F11: variants seen among roughly 807,000 people sequenced by gnomAD.
F11 encodes the protein coagualtion factor XI.
In F11, 78 loss-of-function variants were observed where a neutral mutation model predicts 76.5. That is an observed-to-expected ratio of 1.02 (90% CI 0.85 to 1.23). The LOEUF is 1.23. F11 is among the 50% of genes most tolerant of loss of function. The pLI is 0.00. For missense variants in F11, 742 were observed against 771.4 expected, an observed-to-expected ratio of 0.96 and a Z score of 0.45; for synonymous variants, 278 against 276.3, an observed-to-expected ratio of 1.01 and a Z score of -0.06.
intron 11 of F11, among the ~76,000 whole-genome samples, 195 bp downstream of exon 11, chr4:186,284,455 G>A (rs1009453670): frequency 3.3e-5 from 5 of 152,156 alleles, no homozygotes; most frequent in Non-Finnish European, 2.9e-5. Flanking sequence ...CAGGTACAAG[G>A]CTGCTTGACT....
rs281875271 is a variant in F11, at chr4:186,271,690, G to T, written c.137G>T (p.Cys46Phe). 8 of 1,614,132 alleles carry T rather than the reference G, an allele frequency of 5.0e-6. No homozygotes were observed. The South Asian group carries it at 8.8e-5, about 18-fold the overall frequency. The change falls in exon 3 of 15, where the codon TGC (cysteine) becomes TTC (phenylalanine). Residue 46 changes from cysteine to phenylalanine, a missense_variant. Transcript: ENST00000403665. Reference sequence around the variant, plus strand: ...GTCTTCACACCAAGCGCCAAGTACTGCCAGGTAGTCTGCACTTACCACCCA... The same window carrying T: ...GTCTTCACACCAAGCGCCAAGTACTTCCAGGTAGTCTGCACTTACCACCCA... ...TTVFTPSAKYCQVVCTYHPRC... is the reference protein window; with the variant it reads ...TTVFTPSAKYFQVVCTYHPRC...
chr4:186,284,349 C>A, intron 11 of F11, 89 bp downstream of exon 11: 6 of 1,277,916 alleles, frequency 4.7e-6, no homozygotes, highest in Admixed American at 2.0e-5. Context: ...ATACTTTAAC[C>A]AATTAGATTG....
chr4:186,279,121 AC>A (rs1740590099), intron 7 of F11, among the ~76,000 whole-genome samples: 1 of 152,240 alleles, frequency 6.6e-6, no homozygotes, highest in Admixed American at 6.5e-5. Flanking sequence ...GCAGTGGCTC[AC>A]GCCTGTAATC....
chr4:186,281,841 A>G, intron 10 of F11: 1 of 1,196,372 alleles, frequency 8.4e-7, no homozygotes, highest in Non-Finnish European at 1.1e-6. Flanking sequence ...AAGGCGAATC[A>G]ATCCTTAATT....
rs1374494815 is a variant in F11 at position 186,271,738 on chromosome 4, C to T, written c.185C>T (p.Thr62Met). Residue 62 changes from threonine (T) to methionine (M), a missense_variant, in exon 3 of 15, where the codon ACG becomes ATG. Physicochemically the swap from Thr to Met is moderately conservative, Grantham distance 81. Coordinates refer to ENST00000403665, the MANE Select transcript of F11 (RefSeq NM_000128.4). ...CCAAGATGTTTACTCTTCACTTTCACGGCGGAATCACCATCTGAGGATCCC... is the reference window on the plus strand; with the variant it reads ...CCAAGATGTTTACTCTTCACTTTCATGGCGGAATCACCATCTGAGGATCCC... ...YHPRCLLFTF[T>M]AESPSEDPTR... 3.7e-6 allele frequency: 6 copies of T among 1,614,192 alleles called. No individual in the cohort carries two copies. Among genetic ancestry groups the T allele is most frequent in the South Asian group, 3.3e-5 (3 of 91,088 alleles).
intron 2 of F11, among the ~76,000 whole-genome samples, chr4:186,271,143 G>T (rs1739925028): frequency 6.6e-6 from 1 of 152,118 alleles, no homozygotes; most frequent in Non-Finnish European, 1.5e-5. Flanking sequence ...TCTCAATGGG[G>T]TGAGGATGTG....
chr4:186,290,129 G>C (rs1294126972), downstream of F11, among the ~76,000 whole-genome samples: 1 of 151,638 alleles, frequency 6.6e-6, no homozygotes, highest in Non-Finnish European at 1.5e-5. Context: ...AAAATATATA[G>C]GTTCAAGCTG....
rs569813011 is a variant in F11 at position 186,276,541 on chromosome 4, T to A, written c.755+151T>A. 198 of 777,558 alleles carry A rather than the reference T, an allele frequency of 2.5e-4. 1 individual carries two copies. Among genetic ancestry groups the A allele is most frequent in the South Asian group, 2.4e-3 (154 of 63,832 alleles). 48.2% of individuals were successfully genotyped at this position (777,558 alleles called of 1,614,324 possible). A position where few individuals can be genotyped will look rare whatever the true frequency, so the allele number is the denominator to read the frequency against. On this transcript the variant is annotated intron_variant, in intron 7 of 14. Transcript: ENST00000403665. ...AATTTCTAGCCCCTCTCCCTTTCTA[T>A]TCCCCACCTACTTACCACAAACCCA...
At chr4:186,284,292 C>A in intron 11 of F11, 32 bp downstream of exon 11, 1 of 1,516,394 alleles carries the variant, frequency 6.6e-7, no homozygotes, top group Non-Finnish European at 9.1e-7. Context: ...ATTAGTTCAT[C>A]TTCTTCACAC....
intron 4 of F11, among the ~76,000 whole-genome samples, chr4:186,273,815 T>G (rs1384027567): frequency 6.6e-6 from 1 of 152,206 alleles, no homozygotes; most frequent in Non-Finnish European, 1.5e-5. Context: ...CTTGTCTTAA[T>G]AGTGAATAGA....
chr4:186,266,852 CAG>C (rs1739536245), intron 1 of F11, among the ~76,000 whole-genome samples: 1 of 152,046 alleles, frequency 6.6e-6, no homozygotes, highest in Non-Finnish European at 1.5e-5. Flanking sequence ...GATCTGAACA[CAG>C]AGAGCGGCGG....
intron 13 of F11, among the ~76,000 whole-genome samples, chr4:186,287,044 GCTCA>G (rs1741256443): frequency 6.6e-6 from 1 of 151,900 alleles, no homozygotes; most frequent in South Asian, 2.1e-4. Context: ...CACGATCTCG[GCTCA>G]CTGTTACCTC....
rs762405730 is a variant in F11, at chr4:186,280,401, G to A, written c.1028+16G>A. The A allele has an allele frequency of 2.5e-6, 4 of 1,614,146 alleles. No homozygotes were observed. The African/African-American group carries it at 5.3e-5, about 22-fold the overall frequency. The stretch of plus-strand genomic sequence containing the variant: ...ACGAAGGGAAGTAAGCCATATGAAG[G>A]GTTATGCAGACACCCTTGTCCCGTC... On this transcript the variant is annotated intron_variant, in intron 9 of 14. Transcript: ENST00000403665.
intron 11 of F11, among the ~76,000 whole-genome samples, chr4:186,285,139 T>C (rs1315280551): frequency 6.6e-6 from 1 of 152,164 alleles, no homozygotes; most frequent in East Asian, 1.9e-4. Flanking sequence ...AGACACAGTT[T>C]TGTGTGCTTT....
intron 14 of F11, among the ~76,000 whole-genome samples, 181 bp downstream of exon 14, chr4:186,288,004 A>G (rs1380744840): frequency 6.6e-6 from 1 of 151,048 alleles, no homozygotes. Context: ...TCCCAGGTTC[A>G]CGCCATTCTC....
At chr4:186,274,945 G>T (rs1376330274) in intron 5 of F11, 1 of 185,064 alleles carries the variant, frequency 5.4e-6, no homozygotes, top group African/African-American at 2.4e-5. Context: ...TTTAACATTG[G>T]ATTTTAACAT....
intron 5 of F11, 88 bp from the exon 6 acceptor site, chr4:186,275,699 T>C (rs4253414): frequency 0.022 from 21,229 of 979,958 alleles, 288 homozygotes; most frequent in Middle Eastern, 0.029. Context: ...GCAGGTCCTC[T>C]CTCCAAAGGG....
Position 186,280,133 on chromosome 4 carries a change from G to T in F11, c.865+12G>T. The stretch of plus-strand genomic sequence containing the variant: ...GCACAGCATCCCAGGTAAACTGAGA[G>T]TTCTGCATTCTGGCTGAGAGTGACC... On this transcript the variant is annotated intron_variant, in intron 8 of 14. Coordinates refer to ENST00000403665, the MANE Select transcript of F11 (RefSeq NM_000128.4). The T allele has an allele frequency of 3.1e-6, 5 of 1,614,018 alleles. No individual in the cohort carries two copies. Among genetic ancestry groups the T allele is most frequent in the Non-Finnish European group, 4.2e-6 (5 of 1,179,884 alleles).
At position 186,275,308 on chromosome 4, in the gene F11, T is replaced by C; in HGVS notation, c.486-479T>C. 5.2e-6 allele frequency: 2 copies of C among 381,036 alleles called. 1 individual carries two copies. Among genetic ancestry groups the C allele is most frequent in the South Asian group, 3.9e-5 (2 of 51,334 alleles). 23.6% of individuals were successfully genotyped at this position (381,036 alleles called of 1,614,324 possible). A position where few individuals can be genotyped will look rare whatever the true frequency, so the allele number is the denominator to read the frequency against. On this transcript the variant is annotated intron_variant, in intron 5 of 14. Coordinates refer to ENST00000403665, the MANE Select transcript of F11 (RefSeq NM_000128.4). ...GAGTTCGACACCAGCCTGACCAATA[T>C]GGTGAAACCCCGTCTCTACTAAAAA...
Sources: gnomAD v4.1 joint callset for allele counts (sites outside exome capture counted in the v4.1 genomes callset) on GRCh38, gnomAD v4.1.1 for gene constraint, MANE v1.5 for transcripts, NCBI Gene and HGNC (gene_info 2026-07-23, HGNC 2026-07-21) for gene names.